The following PDE7A variants were observed in gnomAD, a reference collection of about 807,000 sequenced individuals.
The protein encoded by PDE7A is high affinity 3',5'-cyclic-AMP phosphodiesterase 7A.
PDE7A carries 39 observed loss-of-function variants against 64.3 expected under a neutral mutation model. The observed-to-expected ratio is 0.61, with a 90% CI of 0.47 to 0.79. The LOEUF (loss-of-function observed/expected upper bound fraction) is 0.79. Ranked by LOEUF, PDE7A falls within the 30% of genes least tolerant of loss-of-function variation. The probability of loss-of-function intolerance (pLI) is 0.00; values close to 1 mark genes in which losing one functional copy is unlikely to be tolerated. For missense variants in PDE7A, 470 were observed against 582.8 expected, an observed-to-expected ratio of 0.81 and a Z score of 1.99; for synonymous variants, 203 against 206.8, an observed-to-expected ratio of 0.98 and a Z score of 0.16.
chr8:65,809,876 G>A (rs565486738), intron 1 of PDE7A, among the ~76,000 whole-genome samples: 1 of 152,270 alleles, frequency 6.6e-6, no homozygotes, highest in South Asian at 2.1e-4. Flanking sequence ...TGGAGAAATA[G>A]GAACACTTTT....
At chr8:65,806,731 CAT>C (rs1234029370) in intron 1 of PDE7A, among the ~76,000 whole-genome samples, 22 of 152,210 alleles carry the variant, frequency 1.4e-4, no homozygotes, top group Admixed American at 1.2e-3. Context: ...AGTTGGAGCA[CAT>C]GTCAGAAATG....
At chr8:65,747,898 A>T (rs891537307) in intron 3 of PDE7A, 95 bp from the exon 4 acceptor site, 3 of 612,476 alleles carry the variant, frequency 4.9e-6, no homozygotes, top group Non-Finnish European at 8.1e-6. Flanking sequence ...AAGTATTTTT[A>T]AAAATTCATT....
At chr8:65,812,671 C>T (rs1243071537) in intron 1 of PDE7A, among the ~76,000 whole-genome samples, 3 of 152,058 alleles carry the variant, frequency 2.0e-5, no homozygotes, top group African/African-American at 7.3e-5. Context: ...GTAATAAAAC[C>T]TTATTTTTCT....
intron 5 of PDE7A, among the ~76,000 whole-genome samples, chr8:65,740,985 A>G (rs1480337802): frequency 6.6e-6 from 1 of 152,204 alleles, no homozygotes; most frequent in East Asian, 1.9e-4. Flanking sequence ...TTCGTCCTCA[A>G]CGTCCACTCC....
intron 3 of PDE7A, among the ~76,000 whole-genome samples, chr8:65,749,125 G>C (rs1376082838): frequency 6.6e-6 from 1 of 152,132 alleles, no homozygotes; most frequent in Non-Finnish European, 1.5e-5. Context: ...ACCCGCTCTG[G>C]CTTCCCAAAG....
At chr8:65,754,739 A>G (rs1449866251) in intron 3 of PDE7A, among the ~76,000 whole-genome samples, 2 of 149,954 alleles carry the variant, frequency 1.3e-5, no homozygotes, top group Non-Finnish European at 3.0e-5. Flanking sequence ...GGCTGAGGCG[A>G]GTGGATCACG....
At chr8:65,822,668 A>T (rs904927981) in intron 1 of PDE7A, among the ~76,000 whole-genome samples, 2 of 152,220 alleles carry the variant, frequency 1.3e-5, no homozygotes, top group Admixed American at 1.3e-4. Context: ...AACTGAAACC[A>T]GAGTTGGTTA....
chr8:65,789,154 GC>G, intron 1 of PDE7A: 1 of 922,618 alleles, frequency 1.1e-6, no homozygotes, highest in Non-Finnish European at 1.5e-6. Context: ...CATGCTTCAT[GC>G]CACAACCGCA....
chr8:65,787,782 G>C (rs577132600), intron 1 of PDE7A, among the ~76,000 whole-genome samples: 15 of 120,674 alleles, frequency 1.2e-4, no homozygotes, highest in Admixed American at 7.2e-4. Context: ...ATCTCTACAG[G>C]GGGGGGAAAA....
Position 65,719,353 on chromosome 8 carries a change from C to T in PDE7A, c.1386G>A (p.Glu462=). 3 of 1,614,118 alleles carry T rather than the reference C, an allele frequency of 1.9e-6. No individual in the cohort carries two copies. Among genetic ancestry groups the T allele is most frequent in the Non-Finnish European group, 2.5e-6 (3 of 1,179,952 alleles). The change falls in exon 13 of 13, where the codon GAG becomes GAA. Residue 462 remains glutamate (E), a synonymous_variant. Transcript: ENST00000401827. ...KGLQREQSSS[E]DTDAAFELNS... is the part of the protein sequence containing the mutation. Reference sequence around the variant, plus strand: ...TCAACTCAAATGCAGCATCAGTGTCCTCACTGCTCGACTGTTCTCTCTGCA... The same window carrying T: ...TCAACTCAAATGCAGCATCAGTGTCTTCACTGCTCGACTGTTCTCTCTGCA...
At chr8:65,747,608 A>G in intron 4 of PDE7A, 44 bp downstream of exon 4, 1 of 1,348,056 alleles carries the variant, frequency 7.4e-7, no homozygotes, top group Admixed American at 2.0e-5. Context: ...GCCTTCAGTA[A>G]ACTTATCAAA....
intron 4 of PDE7A, among the ~76,000 whole-genome samples, chr8:65,747,274 G>T (rs556434079): frequency 1.3e-5 from 2 of 152,302 alleles, no homozygotes; most frequent in African/African-American, 4.8e-5. Context: ...GCGCAAACAA[G>T]TCCCTCGTGC....
chr8:65,796,814 G>C (rs915878106), intron 1 of PDE7A, among the ~76,000 whole-genome samples: 3 of 152,052 alleles, frequency 2.0e-5, no homozygotes, highest in Non-Finnish European at 4.4e-5. Context: ...ACATGGTACT[G>C]AAAGTCAAAG....
chr8:65,788,054 C>A (rs879565248), intron 1 of PDE7A, among the ~76,000 whole-genome samples: 2 of 151,816 alleles, frequency 1.3e-5, no homozygotes, highest in African/African-American at 4.8e-5. Flanking sequence ...TATGTTTAAA[C>A]GTGGAAAATT....
intron 1 of PDE7A, among the ~76,000 whole-genome samples, chr8:65,825,246 ATTAAC>A (rs1213224547): frequency 1.3e-5 from 2 of 152,190 alleles, no homozygotes; most frequent in Admixed American, 6.5e-5. Context: ...ACAAGCATAC[ATTAAC>A]TTTAGTCCAA....
chr8:65,758,403 G>A (rs902472946), intron 3 of PDE7A, among the ~76,000 whole-genome samples: 3 of 152,094 alleles, frequency 2.0e-5, no homozygotes, highest in African/African-American at 4.8e-5. Context: ...GTGATTTGGG[G>A]AAGAAAGAAA....
At chr8:65,778,088 C>T (rs1809310961) in intron 3 of PDE7A, among the ~76,000 whole-genome samples, 1 of 152,148 alleles carries the variant, frequency 6.6e-6, no homozygotes, top group Non-Finnish European at 1.5e-5. Context: ...AGGTTTTGAC[C>T]TTGCATCCCT....
chr8:65,740,750 A>ATTCCT (rs975367968), intron 5 of PDE7A, among the ~76,000 whole-genome samples: 1 of 152,144 alleles, frequency 6.6e-6, no homozygotes, highest in African/African-American at 2.4e-5. Context: ...CCTCAGAGAT[A>ATTCCT]TTCCTTGTTC....
chr8:65,723,243 G>A (rs1049678687), intron 12 of PDE7A: 2 of 177,406 alleles, frequency 1.1e-5, no homozygotes, highest in African/African-American at 4.7e-5. Flanking sequence ...TTTTTAAATG[G>A]CAGTCCCAAA....
Sources: gnomAD v4.1 joint callset for allele counts (sites outside exome capture counted in the v4.1 genomes callset) on GRCh38, gnomAD v4.1.1 for gene constraint, MANE v1.5 for transcripts, NCBI Gene and HGNC (gene_info 2026-07-23, HGNC 2026-07-21) for gene names.